The following SMARCA4 variants were observed in gnomAD, a reference collection of about 807,000 sequenced individuals.
SMARCA4 encodes SWI/SNF related BAF chromatin remodeling complex subunit ATPase 4, also known as SWI/SNF-related matrix-associated actin-dependent regulator of chromatin subfamily A member 4.
A neutral mutation model predicts 193.9 loss-of-function variants in SMARCA4; 31 were observed. That is an observed-to-expected ratio of 0.16 (90% CI 0.12 to 0.22). The LOEUF is 0.22. Among genes scored for constraint, SMARCA4 ranks in the 10% least tolerant of loss-of-function variants. The probability of loss-of-function intolerance (pLI) is 1.00; values close to 1 mark genes in which losing one functional copy is unlikely to be tolerated. For synonymous variants in SMARCA4, 942 were observed against 933.1 expected (o/e 1.01, Z -0.17); for missense variants, 1,148 against 2,296.0 (o/e 0.50, Z 10.22).
At chr19:11,018,788 A>C (rs1205977091) in intron 16 of SMARCA4, 169 bp from the exon 17 acceptor site, 2 of 741,004 alleles carry the variant, frequency 2.7e-6, no homozygotes, top group Non-Finnish European at 5.0e-6. Flanking sequence ...CGTCCTCGCC[A>C]GTCTCTCTTC....
Position 11,058,439 on chromosome 19 carries a change from C to A in SMARCA4, c.4533+76C>A. On this transcript the variant is annotated intron_variant, in intron 31 of 34. Coordinates refer to ENST00000344626, the MANE Select transcript of SMARCA4 (RefSeq NM_003072.5). This position sits in a 1 kb window ranked among gnomAD's most constrained non-coding sequence, Gnocchi z 5.8. The stretch of plus-strand genomic sequence containing the variant: ...ACCCAGGGGCACCCCCATCTGAGAG[C>A]TGTGGTGTGTGGGCAGAATGACCAG... The A allele has an allele frequency of 9.6e-7, 1 of 1,043,656 alleles. No homozygotes were observed. Among genetic ancestry groups the A allele is most frequent in the Non-Finnish European group, 1.5e-6 (1 of 675,548 alleles). The allele number at this position is 1,043,656 out of a possible 1,614,324, so 64.6% of individuals were successfully genotyped here.
rs562792417 is a variant in SMARCA4, at chr19:11,025,210, G to A, written c.3082-212G>A. Among the ~76,000 whole-genome samples the A allele has an allele frequency of 4.6e-5, 7 of 152,292 alleles. No individual in the cohort carries two copies. The South Asian group carries it at 1.5e-3, about 32-fold the overall frequency. Reference sequence around the variant, plus strand: ...GCCCTGTCCCTGCCATCTGCCCTCTGCTGTGCCAGGCAGTCATTTGTTTCC... The same window carrying A: ...GCCCTGTCCCTGCCATCTGCCCTCTACTGTGCCAGGCAGTCATTTGTTTCC... On this transcript the variant is annotated intron_variant, in intron 21 of 34. Coordinates refer to ENST00000344626, the MANE Select transcript of SMARCA4 (RefSeq NM_003072.5).
chr19:11,004,933 G>A (rs577403775), intron 13 of SMARCA4, among the ~76,000 whole-genome samples: 22 of 151,680 alleles, frequency 1.5e-4, no homozygotes, highest in African/African-American at 3.6e-4. Context: ...TCTGCCTCCC[G>A]GGTTCAAGTG....
chr19:11,023,462 C>T (rs1477264068), intron 19 of SMARCA4, 56 bp from the exon 20 acceptor site: 18 of 1,130,288 alleles, frequency 1.6e-5, no homozygotes, highest in Non-Finnish European at 5.3e-6. Context: ...CTAGTGAGAC[C>T]TCTGTCGCCC....
chr19:11,013,952 GCTCAGCCCCTGCA>G (rs2089114489), intron 16 of SMARCA4, among the ~76,000 whole-genome samples: 1 of 152,000 alleles, frequency 6.6e-6, no homozygotes, highest in African/African-American at 2.4e-5. Context: ...TCTCTACCCA[GCTCAGCCCCTGCA>G]CTAAAGGGGG....
intron 29 of SMARCA4, among the ~76,000 whole-genome samples, chr19:11,036,984 A>G (rs892709720): frequency 3.9e-5 from 6 of 152,220 alleles, no homozygotes; most frequent in African/African-American, 1.4e-4. Context: ...TGATGGTGAA[A>G]TAATCCTGCC....
At chr19:10,997,859 C>G (rs550120346) in intron 11 of SMARCA4, among the ~76,000 whole-genome samples, 5 of 152,284 alleles carry the variant, frequency 3.3e-5, no homozygotes, top group Non-Finnish European at 7.4e-5. Flanking sequence ...TTCATAAAGA[C>G]AAGGTTGTTT....
chr19:11,044,731 C>CGGT (rs1311294911), intron 30 of SMARCA4, among the ~76,000 whole-genome samples: 1 of 152,182 alleles, frequency 6.6e-6, no homozygotes, highest in Non-Finnish European at 1.5e-5. Context: ...TTTTAACCAT[C>CGGT]GAACTGCAGA....
intron 29 of SMARCA4, chr19:11,040,233 C>G (rs891784208): frequency 6.6e-6 from 1 of 151,288 alleles, no homozygotes; most frequent in Admixed American, 6.6e-5. Flanking sequence ...CGAGATTGCA[C>G]CACTGCACTC....
chr19:11,037,329 C>A (rs2075324422), intron 29 of SMARCA4, among the ~76,000 whole-genome samples: 1 of 152,162 alleles, frequency 6.6e-6, no homozygotes, highest in Admixed American at 6.5e-5. Flanking sequence ...TTGCTGTTCC[C>A]TCGCCCGCTG....
At chr19:11,060,237 C>T (rs1428965861) in intron 34 of SMARCA4, 50 bp downstream of exon 34, 1 of 1,547,194 alleles carries the variant, frequency 6.5e-7, no homozygotes, top group South Asian at 1.2e-5. Context: ...CAGGAGGCAT[C>T]CCGGGGCCCT....
chr19:10,966,420 G>A (rs1473033893), intron 1 of SMARCA4, among the ~76,000 whole-genome samples: 1 of 152,032 alleles, frequency 6.6e-6, no homozygotes, highest in Admixed American at 6.6e-5. Flanking sequence ...GCGAAACCCC[G>A]TCTCTACAGA....
intron 25 of SMARCA4, chr19:11,032,075 G>A (rs527238242): frequency 6.6e-6 from 1 of 152,446 alleles, no homozygotes; most frequent in Admixed American, 6.5e-5. Context: ...AGTTTCTTAG[G>A]AGGTGGTTGA....
At chr19:11,047,749 C>G (rs1380985672) in intron 30 of SMARCA4, 1 of 152,230 alleles carries the variant, frequency 6.6e-6, no homozygotes, top group Non-Finnish European at 1.5e-5. Context: ...CACAAAGACA[C>G]AGCTGGCTAC....
At position 10,986,238 on chromosome 19, in the gene SMARCA4, A is replaced by C. The variant is rs1599949091; in HGVS notation, c.405A>C (p.Pro135=). 2 of 1,613,802 alleles carry C rather than the reference A, an allele frequency of 1.2e-6. No homozygotes were observed. Among genetic ancestry groups the C allele is most frequent in the Non-Finnish European group, 8.5e-7 (1 of 1,179,994 alleles). The change falls in exon 4 of 35, where the codon CCA becomes CCC. Residue 135 remains proline (P), a synonymous_variant. Transcript: ENST00000344626. This position sits in a 1 kb window ranked among gnomAD's most constrained non-coding sequence, Gnocchi z 6.7. ...GGSEHASSPV[P]ASGPSSGPQM... ...CTGAGCATGCCTCTAGTCCAGTTCC[A>C]GCCAGTGGCCCGTCTTCGGGGCCCC...
rs1273922033 is a variant in SMARCA4, at chr19:11,030,217, A to G, written c.3383-513A>G. On this transcript the variant is annotated intron_variant, in intron 24 of 34. Coordinates refer to ENST00000344626, the MANE Select transcript of SMARCA4 (RefSeq NM_003072.5). This position sits in a 1 kb window ranked among gnomAD's most constrained non-coding sequence, Gnocchi z 5.5. ...AAGGTCTCCATGCTTTTACCGTAGA[A>G]GATTCTCTTTGTGAACCACAAAACT... Among the ~76,000 whole-genome samples the G allele has an allele frequency of 2.6e-5, 4 of 152,202 alleles. No individual in the cohort carries two copies. Among genetic ancestry groups the G allele is most frequent in the African/African-American group, 9.7e-5 (4 of 41,446 alleles).
At chr19:10,962,699 C>A (rs546107628) in intron 1 of SMARCA4, among the ~76,000 whole-genome samples, 91 of 152,170 alleles carry the variant, frequency 6.0e-4, no homozygotes, top group Middle Eastern at 3.4e-3. Flanking sequence ...CCCGCCACCA[C>A]GCCTGGCTAA....
At chr19:11,014,753 G>T (rs2089197342) in intron 16 of SMARCA4, among the ~76,000 whole-genome samples, 1 of 151,848 alleles carries the variant, frequency 6.6e-6, no homozygotes, top group Non-Finnish European at 1.5e-5. Flanking sequence ...GTTCTTAGTT[G>T]TTAATTTTTT....
At chr19:11,043,536 C>T (rs937819671) in intron 30 of SMARCA4, among the ~76,000 whole-genome samples, 2 of 151,872 alleles carry the variant, frequency 1.3e-5, no homozygotes, top group African/African-American at 4.9e-5. Context: ...TGCCTGGGGT[C>T]CCCACTACTT....
Sources: allele counts gnomAD v4.1 joint callset (sites outside exome capture counted in the v4.1 genomes callset), GRCh38; gene constraint gnomAD v4.1.1; non-coding constraint Gnocchi (gnomAD v3.1); transcripts MANE v1.5; gene names NCBI Gene and HGNC (gene_info 2026-07-23, HGNC 2026-07-21).